The following CDH13 variants were observed in gnomAD, a reference collection of about 807,000 sequenced individuals.
CDH13 encodes the protein cadherin 13, also known as cadherin-13.
In CDH13, 24 loss-of-function variants were observed where a neutral mutation model predicts 63.8. That is an observed-to-expected ratio of 0.38 (90% confidence interval 0.27 to 0.53). CDH13 has a LOEUF of 0.53. Ranked by LOEUF, CDH13 falls within the 20% of genes least tolerant of loss-of-function variation. The pLI is 0.85. For missense variants in CDH13, 1,049 were observed against 903.1 expected (o/e 1.16, Z -2.07); for synonymous variants, 503 against 355.3 (o/e 1.42, Z -4.67).
Position 83,432,434 on chromosome 16 carries a change from C to G in CDH13, c.782-54043C>G, listed in dbSNP as rs140059041. On this transcript the variant is annotated intron_variant, in intron 6 of 13. Transcript: ENST00000567109. ...CAGAAGTAGGCTTCAAGTGGAATGT[C>G]TAGCAAGTGGCAGAGTGGGGACCTA... 1.2e-4 allele frequency among the ~76,000 whole-genome samples: 19 copies of G among 152,278 alleles called. No homozygotes were observed. The East Asian group carries it at 3.1e-3, about 25-fold the overall frequency.
At chr16:83,455,391 G>A (rs190064217) in intron 6 of CDH13, among the ~76,000 whole-genome samples, 1 of 152,294 alleles carries the variant, frequency 6.6e-6, no homozygotes, top group Non-Finnish European at 1.5e-5. Context: ...GCCCACCTGA[G>A]GCTCTGGGGG....
intron 2 of CDH13, among the ~76,000 whole-genome samples, chr16:82,898,537 A>G (rs921363324): frequency 1.3e-5 from 2 of 152,178 alleles, no homozygotes; most frequent in African/African-American, 2.4e-5. Context: ...AAAAATGAAC[A>G]TATGGTTCCT....
chr16:82,639,859 C>G (rs1909169258), intron 1 of CDH13, among the ~76,000 whole-genome samples: 1 of 152,242 alleles, frequency 6.6e-6, no homozygotes, highest in African/African-American at 2.4e-5. Context: ...TGGACAGACA[C>G]TCTCTCCCTT....
intron 1 of CDH13, among the ~76,000 whole-genome samples, chr16:82,811,233 A>G: frequency 6.6e-6 from 1 of 152,168 alleles, no homozygotes; most frequent in East Asian, 1.9e-4. Flanking sequence ...GTAGCTTGAA[A>G]TCAAGCCACG....
chr16:83,557,572 CAG>C (rs1376960076), intron 7 of CDH13, among the ~76,000 whole-genome samples: 2 of 152,250 alleles, frequency 1.3e-5, no homozygotes, highest in African/African-American at 4.8e-5. Context: ...GATACGGAAA[CAG>C]GGGCATCTAA....
intron 7 of CDH13, among the ~76,000 whole-genome samples, chr16:83,493,643 A>T (rs536527637): frequency 9.8e-5 from 15 of 152,342 alleles, no homozygotes; most frequent in African/African-American, 2.9e-4. Flanking sequence ...AGGCTGTGGT[A>T]TAGAGAGATA....
chr16:83,283,214 T>C (rs1415701749), intron 5 of CDH13, among the ~76,000 whole-genome samples: 1 of 152,168 alleles, frequency 6.6e-6, no homozygotes, highest in Admixed American at 6.5e-5. Context: ...CCTGTGGAGT[T>C]ACTGGATGAT....
chr16:82,692,021 A>C (rs1418815598), intron 1 of CDH13, among the ~76,000 whole-genome samples: 1 of 152,234 alleles, frequency 6.6e-6, no homozygotes, highest in Non-Finnish European at 1.5e-5. Context: ...TATGTTTTTC[A>C]TAATCTGCAA....
At position 82,952,560 on chromosome 16, in the gene CDH13, A is replaced by G. The variant is rs147974085; in HGVS notation, c.158-79450A>G. Among the ~76,000 whole-genome samples, 799 of 152,342 alleles carry G rather than the reference A, an allele frequency of 5.2e-3. 8 individuals carry two copies. The highest frequency in any genetic ancestry group is 0.018 in the African/African-American group (768 of 41,560). On this transcript the variant is annotated intron_variant, in intron 2 of 13. Transcript: ENST00000567109. ...AGCAGAGAATAACCATAACTTTTCTACAGATCCTTGAATATAATAACAGTA... is the reference window on the plus strand; with the variant it reads ...AGCAGAGAATAACCATAACTTTTCTGCAGATCCTTGAATATAATAACAGTA...
chr16:83,255,623 A>G (rs1388148170), intron 5 of CDH13, among the ~76,000 whole-genome samples: 3 of 152,130 alleles, frequency 2.0e-5, no homozygotes, highest in Non-Finnish European at 4.4e-5. Flanking sequence ...ACTTTTGAAA[A>G]TCGTCCTCTT....
intron 5 of CDH13, among the ~76,000 whole-genome samples, chr16:83,335,937 C>G (rs1567600471): frequency 6.6e-6 from 1 of 152,090 alleles, no homozygotes; most frequent in African/African-American, 2.4e-5. Flanking sequence ...CCCCTTCCTT[C>G]TTTAACTCGG....
chr16:83,366,642 C>T (rs1299511889), intron 6 of CDH13, among the ~76,000 whole-genome samples: 3 of 152,106 alleles, frequency 2.0e-5, no homozygotes, highest in African/African-American at 7.2e-5. Flanking sequence ...CGATATTCTC[C>T]AGATAGTCTC....
At chr16:83,284,520 G>C (rs183117483) in intron 5 of CDH13, among the ~76,000 whole-genome samples, 25 of 152,244 alleles carry the variant, frequency 1.6e-4, no homozygotes, top group Admixed American at 3.9e-4. Context: ...AAGAGTACAG[G>C]CTACTGTGAA....
intron 10 of CDH13, among the ~76,000 whole-genome samples, chr16:83,685,993 T>G (rs1002691739): frequency 3.3e-5 from 5 of 152,204 alleles, no homozygotes; most frequent in Non-Finnish European, 5.9e-5. Context: ...CCAAAAGCAC[T>G]GTTACCAGTC....
rs139262394 is a variant in CDH13, at chr16:83,269,152, T to C, written c.636+51655T>C. ...AAGCAGCTGCTTTTCTCTCCTAGTT[T>C]TTGGAAATGTGAGGCTTCTTAGAAA... On this transcript the variant is annotated intron_variant, in intron 5 of 13. Transcript: ENST00000567109. Among the ~76,000 whole-genome samples the C allele has an allele frequency of 5.8e-4, 88 of 152,300 alleles. 1 individual carries two copies. Among genetic ancestry groups the C allele is most frequent in the South Asian group, 1.2e-3 (6 of 4,828 alleles).
chr16:83,570,740 TATTTTATAA>T (rs1567773375), intron 7 of CDH13, among the ~76,000 whole-genome samples: 18 of 142,794 alleles, frequency 1.3e-4, no homozygotes, highest in African/African-American at 4.5e-4. Context: ...ATTTTCTATA[TATTTTATAA>T]AAATTATATA....
At chr16:82,693,986 T>C (rs997783280) in intron 1 of CDH13, among the ~76,000 whole-genome samples, 8 of 152,328 alleles carry the variant, frequency 5.3e-5, no homozygotes, top group Middle Eastern at 3.4e-3. Context: ...GCGTACATGG[T>C]CCTGGGCAAG....
At chr16:83,117,375 T>G (rs905714786) in intron 3 of CDH13, among the ~76,000 whole-genome samples, 7 of 149,668 alleles carry the variant, frequency 4.7e-5, no homozygotes, top group Admixed American at 6.7e-5. Context: ...CCTGCCCCCT[T>G]GGCCCATTCT....
chr16:82,680,549 A>G (rs1448182130), intron 1 of CDH13, among the ~76,000 whole-genome samples: 1 of 152,124 alleles, frequency 6.6e-6, no homozygotes, highest in Non-Finnish European at 1.5e-5. Flanking sequence ...ATGAATATAT[A>G]TACTCCAAAA....
Sources: allele counts gnomAD v4.1 joint callset (sites outside exome capture counted in the v4.1 genomes callset), GRCh38; gene constraint gnomAD v4.1.1; transcripts MANE v1.5; gene names NCBI Gene and HGNC (gene_info 2026-07-23, HGNC 2026-07-21).